Variants in XDH observed in about 807,000 individuals in gnomAD.
XDH encodes the protein xanthine dehydrogenase/oxidase.
Under a neutral mutation model 156.1 loss-of-function variants are expected in XDH, and 138 were observed. The ratio of observed to expected loss-of-function variants is 0.88; its 90% CI spans 0.77 to 1.02. The LOEUF (loss-of-function observed/expected upper bound fraction) is 1.02. XDH is among the 50% of genes least tolerant of loss of function. XDH has a pLI of 0.00. For synonymous variants in XDH, 669 were observed against 625.7 expected (o/e 1.07, Z -1.03); for missense variants, 1,849 against 1,684.9 (o/e 1.10, Z -1.71).
chr2:31,342,293 G>T lies in XDH; in HGVS notation c.3409C>A (p.Pro1137Thr). The change falls in exon 32 of 36, where the codon CCC becomes ACC. Residue 1137 changes from proline (P) to threonine (T), a missense_variant. By Grantham distance (38) the Pro-to-Thr change is conservative. Coordinates refer to ENST00000379416, the MANE Select transcript of XDH (RefSeq NM_000379.4). ...SLSATGFYRT[P>T]NLGYSFETNS... is the part of the protein sequence containing the mutation. ...GTCTCAAAGCTGTAGCCCAGATTGGGTGTTCTGGGAGAGGAAAGAGAAGGT... is the reference window on the plus strand; with the variant it reads ...GTCTCAAAGCTGTAGCCCAGATTGGTTGTTCTGGGAGAGGAAAGAGAAGGT... 1 of 1,613,700 alleles carries T rather than the reference G, an allele frequency of 6.2e-7. No individual in the cohort carries two copies. The highest frequency in any genetic ancestry group is 8.5e-7 in the Non-Finnish European group (1 of 1,179,724).
chr2:31,390,946 A>C (rs1045530763), intron 6 of XDH, among the ~76,000 whole-genome samples: 10 of 152,162 alleles, frequency 6.6e-5, no homozygotes, highest in Non-Finnish European at 1.3e-4. Context: ...CTCCCAGTGT[A>C]CCGCTTGTCT....
intron 14 of XDH, 34 bp from the exon 15 acceptor site, chr2:31,375,588 G>T: frequency 1.2e-6 from 2 of 1,606,274 alleles, no homozygotes; most frequent in East Asian, 2.2e-5. Flanking sequence ...CAGCGCTCCC[G>T]CCCAGCCCTC....
chr2:31,397,798 G>T, intron 5 of XDH, 69 bp from the exon 6 acceptor site: 1 of 1,577,310 alleles, frequency 6.3e-7, no homozygotes, highest in Non-Finnish European at 8.7e-7. Flanking sequence ...TTGTGACTTT[G>T]CTTGCAACTA....
chr2:31,386,986 AG>A, intron 8 of XDH, among the ~76,000 whole-genome samples: 1 of 18,440 alleles, frequency 5.4e-5, no homozygotes, highest in Non-Finnish European at 1.0e-4. Context: ...GAGGGAGGGA[AG>A]AAAGGAAGGA....
At chr2:31,398,397 T>A (rs1298540653) in intron 5 of XDH, among the ~76,000 whole-genome samples, 176 bp downstream of exon 5, 1 of 152,130 alleles carries the variant, frequency 6.6e-6, no homozygotes, top group East Asian at 1.9e-4. Flanking sequence ...AACCAGGAGT[T>A]CTCCCAAGTA....
Position 31,375,397 on chromosome 2 carries a change from G to T in XDH, c.1585C>A (p.Gln529Lys), listed in dbSNP as rs769088676. The T allele has an allele frequency of 3.7e-6, 6 of 1,614,060 alleles. No homozygotes were observed. In the East Asian group the frequency reaches 1.1e-4, roughly 30 times the overall value. ...CCACTCACGTCTTCCAGGTTCTCTT[G>T]GCCCAGCTTCTGAAGGACTGTCAGG... ...FYLTVLQKLG[Q>K]ENLEDKCGKL... The change falls in exon 15 of 36, where the codon CAA (glutamine) becomes AAA (lysine). Residue 529 changes from glutamine (Q) to lysine (K), a missense_variant. Gln to Lys is a moderately conservative substitution (Grantham distance 53). Coordinates refer to ENST00000379416, the MANE Select transcript of XDH (RefSeq NM_000379.4).
At chr2:31,370,725 C>G (rs1686048991) in intron 17 of XDH, among the ~76,000 whole-genome samples, 1 of 152,226 alleles carries the variant, frequency 6.6e-6, no homozygotes, top group African/African-American at 2.4e-5. Context: ...GCCAGCCAGG[C>G]ACAGTGGCTC....
chr2:31,335,647 C>T lies in XDH; in HGVS notation c.*311G>A, dbSNP rs1684952819. 19 of 470,986 alleles carry T rather than the reference C, an allele frequency of 4.0e-5. No homozygotes were observed. Among genetic ancestry groups the T allele is most frequent in the South Asian group, 3.8e-4 (18 of 47,754 alleles). The allele number at this position is 470,986 out of a possible 1,614,324, so 29.2% of individuals were successfully genotyped here. A position where few individuals can be genotyped will look rare whatever the true frequency, so the allele number is the denominator to read the frequency against. On this transcript the variant is annotated 3_prime_UTR_variant, in exon 36 of 36. Transcript: ENST00000379416. ...CAGAACTTGAGGTTATACAGGCTGT[C>T]CAGTAAGTGGGGAATAGCACAAACC...
Position 31,335,807 on chromosome 2 carries a change from C to CGAAG in XDH, c.*150_*151insCTTC. ...AAATTACATTTTTGATCAAAATCTTCCATTGCATTCACTTGTCTTCCAAAT... is the reference window on the plus strand; with the variant it reads ...AAATTACATTTTTGATCAAAATCTTCGAAGCATTGCATTCACTTGTCTTCCAAAT... On this transcript the variant is annotated 3_prime_UTR_variant, in exon 36 of 36. Coordinates refer to ENST00000379416, the MANE Select transcript of XDH (RefSeq NM_000379.4). 4.7e-6 allele frequency: 4 copies of CGAAG among 856,678 alleles called. No homozygotes were observed. Among genetic ancestry groups the CGAAG allele is most frequent in the Non-Finnish European group, 5.8e-6 (3 of 517,850 alleles). The allele number at this position is 856,678 out of a possible 1,614,324, so 53.1% of individuals were successfully genotyped here.
At chr2:31,401,397 G>C (rs1687055242) in intron 3 of XDH, 69 bp from the exon 4 acceptor site, 2 of 1,526,906 alleles carry the variant, frequency 1.3e-6, no homozygotes, top group Non-Finnish European at 1.8e-6. Flanking sequence ...CTGACTGTGA[G>C]CTCTGGAGGA....
intron 9 of XDH, chr2:31,384,275 T>A: frequency 5.2e-6 from 1 of 194,064 alleles, no homozygotes; most frequent in Non-Finnish European, 1.1e-5. Flanking sequence ...TTTTTCTGTT[T>A]ATAGATGAAG....
At chr2:31,337,522 C>T (rs1684996632) in intron 35 of XDH, 119 bp downstream of exon 35, 1 of 1,478,426 alleles carries the variant, frequency 6.8e-7, no homozygotes, top group Non-Finnish European at 9.4e-7. Context: ...GCCATTGATG[C>T]AAGGCTGCCC....
chr2:31,366,086 C>A lies in XDH; in HGVS notation c.2346G>T (p.Gly782=), dbSNP rs751010663. The change falls in exon 22 of 36, where the codon GGG becomes GGT. Residue 782 remains glycine (G), a synonymous_variant. Transcript: ENST00000379416. ...KTQSFVAKML[G]VPANRIVVRV... ...GAACCACAATCCGGTTTGCTGGAACCCCCAACATTTTTGCAACAAAGCTCT... is the reference window on the plus strand; with the variant it reads ...GAACCACAATCCGGTTTGCTGGAACACCCAACATTTTTGCAACAAAGCTCT... 1.9e-6 allele frequency: 3 copies of A among 1,614,200 alleles called. No homozygotes were observed. The highest frequency in any genetic ancestry group is 1.1e-5 in the South Asian group (1 of 91,080).
intron 6 of XDH, among the ~76,000 whole-genome samples, chr2:31,389,854 G>GC (rs746953109): frequency 1.4e-5 from 2 of 144,712 alleles, no homozygotes; most frequent in African/African-American, 5.5e-5. Context: ...AAAAAAAAAA[G>GC]TTTTTTTTTT....
Position 31,401,317 on chromosome 2 carries a change from G to C in XDH, c.209C>G (p.Ala70Gly), listed in dbSNP as rs1285123335. The change falls in exon 4 of 36, where the codon GCC (alanine) becomes GGC (glycine). Residue 70 changes from alanine to glycine, a missense_variant. Physicochemically the swap from Ala to Gly is moderately conservative, Grantham distance 60. Transcript: ENST00000379416. Reference sequence around the variant, plus strand: ...GCAGATGGGGGCCAGGCAGGCATTGGCAGAAAAGTGGCTAGAACCCCAGAT... The same window carrying C: ...GCAGATGGGGGCCAGGCAGGCATTGCCAGAAAAGTGGCTAGAACCCCAGAT... The part of the protein sequence containing the change: ...RLQNKIVHFS[A>G]NACLAPICSL... 1 of 1,614,164 alleles carries C rather than the reference G, an allele frequency of 6.2e-7. No individual in the cohort carries two copies.
intron 27 of XDH, 132 bp from the exon 28 acceptor site, chr2:31,348,495 T>C (rs1167909460): frequency 1.8e-5 from 14 of 797,708 alleles, no homozygotes; most frequent in African/African-American, 5.1e-5. Context: ...ACAAAAATTA[T>C]GGCAGTATGA....
rs2365842 is a variant in XDH, at chr2:31,365,422, T to A, written c.2544+35A>T. On this transcript the variant is annotated intron_variant, in intron 23 of 35. Transcript: ENST00000379416. ...GTCCCAGCTTTCCTCACAAAATGGC[T>A]CATCCCGCCCCAGCACAGCCCCAAC... is the stretch of plus-strand genomic sequence containing the variant. 1,147,209 of 1,611,358 alleles carry A rather than the reference T, an allele frequency of 0.71. 412,139 individuals carry two copies. Among genetic ancestry groups the A allele is most frequent in the East Asian group, 0.85 (37,908 of 44,846 alleles).
chr2:31,345,764 G>T (rs2148753141), intron 30 of XDH, among the ~76,000 whole-genome samples: 1 of 152,222 alleles, frequency 6.6e-6, no homozygotes, highest in South Asian at 2.1e-4. Context: ...GGTGACTGTG[G>T]TTCATTTATT....
intron 11 of XDH, among the ~76,000 whole-genome samples, chr2:31,382,578 G>C (rs1427804433): frequency 1.3e-5 from 2 of 152,076 alleles, no homozygotes; most frequent in Non-Finnish European, 2.9e-5. Flanking sequence ...TCTGTCTCTG[G>C]TTCTCCCTAT....
Sources: allele counts gnomAD v4.1 joint callset (sites outside exome capture counted in the v4.1 genomes callset), GRCh38; gene constraint gnomAD v4.1.1; transcripts MANE v1.5; gene names NCBI Gene and HGNC (gene_info 2026-07-23, HGNC 2026-07-21).